Variants in RAPGEF6 observed in about 807,000 individuals in gnomAD.
RAPGEF6 encodes Rap guanine nucleotide exchange factor 6.
Under a neutral mutation model 171.4 loss-of-function variants are expected in RAPGEF6, and 56 were observed. That is an observed-to-expected ratio of 0.33 (90% confidence interval 0.26 to 0.41). RAPGEF6 has a LOEUF of 0.41. Among genes scored for constraint, RAPGEF6 ranks in the 10% least tolerant of loss-of-function variants. The pLI is 1.00. For missense variants in RAPGEF6, 1,674 were observed against 1,921.4 expected (o/e 0.87, Z 2.41); for synonymous variants, 692 against 650.1 (o/e 1.06, Z -0.98).
chr5:131,612,795 T>C (rs1765013508), intron 1 of RAPGEF6, among the ~76,000 whole-genome samples: 1 of 152,308 alleles, frequency 6.6e-6, no homozygotes, highest in African/African-American at 2.4e-5. Flanking sequence ...TATCATATAA[T>C]TTTCTCCTTT....
intron 4 of RAPGEF6, among the ~76,000 whole-genome samples, chr5:131,578,045 C>A (rs1290669124): frequency 6.6e-6 from 1 of 152,200 alleles, no homozygotes; most frequent in Admixed American, 6.5e-5. Context: ...TTTACACTGC[C>A]GGTTTACACT....
At chr5:131,429,284 C>T (rs1381039652) in intron 26 of RAPGEF6, 68 bp from the exon 27 acceptor site, 1 of 1,297,740 alleles carries the variant, frequency 7.7e-7, no homozygotes, top group Non-Finnish European at 1.1e-6. Flanking sequence ...AACCACCCCA[C>T]AAACTTATTA....
At chr5:131,467,218 T>G (rs1754417308) in intron 17 of RAPGEF6, among the ~76,000 whole-genome samples, 1 of 152,382 alleles carries the variant, frequency 6.6e-6, no homozygotes, top group African/African-American at 2.4e-5. Context: ...TCTTGCTGCA[T>G]AGTGTTACAA....
intron 17 of RAPGEF6, 101 bp from the exon 18 acceptor site, chr5:131,464,382 A>G (rs1180769314): frequency 2.4e-6 from 2 of 824,546 alleles, no homozygotes; most frequent in Non-Finnish European, 2.0e-6. Flanking sequence ...GAACACTGAA[A>G]TATACATTTC....
At chr5:131,442,630 T>C (rs1455617612) in intron 22 of RAPGEF6, 93 bp from the exon 23 acceptor site, 10 of 1,491,462 alleles carry the variant, frequency 6.7e-6, no homozygotes, top group African/African-American at 4.2e-5. Flanking sequence ...AAACCATCTA[T>C]TTTTAGCACA....
At chr5:131,454,917 G>T (rs1226993823) in intron 20 of RAPGEF6, among the ~76,000 whole-genome samples, 1 of 152,176 alleles carries the variant, frequency 6.6e-6, no homozygotes, top group African/African-American at 2.4e-5. Context: ...ACAGTGGAAG[G>T]CACAGAACAA....
At chr5:131,465,854 G>A (rs1754297218) in intron 17 of RAPGEF6, among the ~76,000 whole-genome samples, 1 of 152,024 alleles carries the variant, frequency 6.6e-6, no homozygotes, top group African/African-American at 2.4e-5. Flanking sequence ...ACTGCAGTGG[G>A]GGCAGGATGG....
intron 5 of RAPGEF6, among the ~76,000 whole-genome samples, chr5:131,553,876 T>C (rs1761061912): frequency 6.7e-6 from 1 of 149,498 alleles, no homozygotes; most frequent in Admixed American, 6.6e-5. Context: ...CACAAAGTCA[T>C]CATGAAGAGG....
chr5:131,557,684 C>A (rs1287401726), intron 5 of RAPGEF6, among the ~76,000 whole-genome samples: 2 of 152,166 alleles, frequency 1.3e-5, no homozygotes, highest in African/African-American at 4.8e-5. Flanking sequence ...ATAAAAGTTT[C>A]ATTCCCTTCC....
At chr5:131,459,422 GAGGAAACTT>G (rs1034906948) in intron 19 of RAPGEF6, among the ~76,000 whole-genome samples, 1 of 152,126 alleles carries the variant, frequency 6.6e-6, no homozygotes, top group East Asian at 1.9e-4. Context: ...TTTGACAAAT[GAGGAAACTT>G]AGTTCACATA....
intron 16 of RAPGEF6, among the ~76,000 whole-genome samples, chr5:131,474,643 T>C (rs921839767): frequency 6.6e-6 from 1 of 152,156 alleles, no homozygotes; most frequent in African/African-American, 2.4e-5. Context: ...ATAAATAATT[T>C]GCATTTACTC....
intron 4 of RAPGEF6, among the ~76,000 whole-genome samples, chr5:131,582,483 A>G (rs1267299357): frequency 6.6e-6 from 1 of 152,198 alleles, no homozygotes; most frequent in Non-Finnish European, 1.5e-5. Flanking sequence ...GTAAAAGCTA[A>G]AACTGTAAAA....
At chr5:131,479,441 T>TC in intron 16 of RAPGEF6, 72 bp downstream of exon 16, 2 of 1,543,316 alleles carry the variant, frequency 1.3e-6, no homozygotes, top group East Asian at 2.3e-5. Flanking sequence ...TACCCAAGCC[T>TC]CCCCCCACCC....
chr5:131,594,979 T>C (rs1346352658), intron 3 of RAPGEF6, among the ~76,000 whole-genome samples: 3 of 152,182 alleles, frequency 2.0e-5, no homozygotes, highest in Non-Finnish European at 4.4e-5. Context: ...GACTTTGGAC[T>C]TGGACTTTTA....
At chr5:131,534,835 A>G (rs1195353376) in intron 6 of RAPGEF6, among the ~76,000 whole-genome samples, 1 of 152,172 alleles carries the variant, frequency 6.6e-6, no homozygotes, top group East Asian at 1.9e-4. Flanking sequence ...GAATACCAAG[A>G]ATTTCAACAC....
rs746340732 is a variant in RAPGEF6 at position 131,428,919 on chromosome 5, G to A, written c.4763C>T (p.Ala1588Val). 10 of 1,613,666 alleles carry A rather than the reference G, an allele frequency of 6.2e-6. No individual in the cohort carries two copies. Among genetic ancestry groups the A allele is most frequent in the Non-Finnish European group, 7.6e-6 (9 of 1,179,556 alleles). Residue 1588 changes from alanine to valine, a missense_variant, in exon 27 of 28, where the codon GCA becomes GTA. Coordinates refer to ENST00000509018, the MANE Select transcript of RAPGEF6 (RefSeq NM_016340.6). ...FHPKLGDVTD[A>V]DSEADENEQV... ...CAACATACCATCTGCTTCGCTATCTGCATCAGTCACATCTCCTAGTTTAGG... is the reference window on the plus strand; with the variant it reads ...CAACATACCATCTGCTTCGCTATCTACATCAGTCACATCTCCTAGTTTAGG...
At chr5:131,529,390 C>T (rs952595747) in intron 6 of RAPGEF6, among the ~76,000 whole-genome samples, 2 of 151,648 alleles carry the variant, frequency 1.3e-5, no homozygotes, top group Admixed American at 6.6e-5. Flanking sequence ...ACAGGAGACT[C>T]GCTTTGACCC....
intron 2 of RAPGEF6, among the ~76,000 whole-genome samples, chr5:131,604,134 C>G (rs1292485912): frequency 6.6e-6 from 1 of 152,128 alleles, no homozygotes; most frequent in African/African-American, 2.4e-5. Context: ...GCTCCTTTCA[C>G]TTGTATAATA....
intron 6 of RAPGEF6, among the ~76,000 whole-genome samples, chr5:131,541,390 A>C (rs1760131922): frequency 6.6e-6 from 1 of 152,264 alleles, no homozygotes; most frequent in Admixed American, 6.5e-5. Flanking sequence ...TTCCAGGGAA[A>C]GAGAACAGGA....
Sources: gnomAD v4.1 joint callset for allele counts (sites outside exome capture counted in the v4.1 genomes callset) on GRCh38, gnomAD v4.1.1 for gene constraint, MANE v1.5 for transcripts, NCBI Gene and HGNC (gene_info 2026-07-23, HGNC 2026-07-21) for gene names.